Variants in ZFR2 observed in about 807,000 individuals in gnomAD.
ZFR2 encodes the protein zinc finger RNA binding protein 2.
In ZFR2, 104 loss-of-function variants were observed where a neutral mutation model predicts 105.7. The ratio of observed to expected loss-of-function variants is 0.98; its 90% CI spans 0.84 to 1.16. The LOEUF is 1.16. Ranked by LOEUF, ZFR2 falls within the 50% of genes most tolerant of loss-of-function variation. ZFR2 has a pLI of 0.00. For synonymous variants in ZFR2, 634 were observed against 597.7 expected (o/e 1.06, Z -0.89); for missense variants, 1,425 against 1,355.5 (o/e 1.05, Z -0.80).
intron 1 of ZFR2, among the ~76,000 whole-genome samples, chr19:3,839,673 C>G (rs1190602386): frequency 6.8e-6 from 1 of 146,750 alleles, no homozygotes; most frequent in Non-Finnish European, 1.5e-5. Flanking sequence ...ACTTAACAAA[C>G]ACATATCACT....
intron 1 of ZFR2, among the ~76,000 whole-genome samples, chr19:3,847,036 T>C (rs60037558): frequency 0.015 from 2,352 of 152,244 alleles, 45 homozygotes; most frequent in African/African-American, 0.052. Context: ...CCTGCCAGGG[T>C]TGGCAAGTTG....
chr19:3,863,349 C>A (rs148474727), intron 1 of ZFR2, among the ~76,000 whole-genome samples: 1 of 152,158 alleles, frequency 6.6e-6, no homozygotes, highest in African/African-American at 2.4e-5. Flanking sequence ...TTGAGAGATA[C>A]GGGTTGGGTC....
rs1273988689 is a variant in ZFR2, at chr19:3,821,277, A to G, written c.1631+63T>C. The G allele has an allele frequency of 3.4e-6, 5 of 1,469,960 alleles. No homozygotes were observed. In the African/African-American group the frequency reaches 4.2e-5, roughly 12 times the overall value. The allele number at this position is 1,469,960 out of a possible 1,614,324, so 91.1% of individuals were successfully genotyped here. Reference sequence around the variant, plus strand: ...CCGTAATCTGCAGCAGTGGGCGTCTAGGTTCCACGCTGGACCTGCCCTCCC... The same window carrying G: ...CCGTAATCTGCAGCAGTGGGCGTCTGGGTTCCACGCTGGACCTGCCCTCCC... On this transcript the variant is annotated intron_variant, in intron 10 of 18. Transcript: ENST00000262961.
chr19:3,823,155 C>A lies in ZFR2; in HGVS notation c.1371+91G>T, dbSNP rs1200779112. On this transcript the variant is annotated intron_variant, in intron 8 of 18. Transcript: ENST00000262961. This position sits in a 1 kb window ranked among gnomAD's most constrained non-coding sequence, Gnocchi z 5.4. ...GGAACGGGGATGGGTCTGTAAATCT[C>A]GCTGGGAGAAGCCGGGTGAGGTCTC... The A allele has an allele frequency of 6.5e-5, 103 of 1,576,498 alleles. No individual in the cohort carries two copies. Among genetic ancestry groups the A allele is most frequent in the Non-Finnish European group, 8.7e-5 (100 of 1,155,552 alleles).
At chr19:3,810,960 C>A in intron 15 of ZFR2, 115 bp from the exon 16 acceptor site, 1 of 1,203,860 alleles carries the variant, frequency 8.3e-7, no homozygotes, top group South Asian at 1.5e-5. Context: ...CCTGGCGGGC[C>A]TCGAAGGTGG....
rs1219494279 is a variant in ZFR2 at position 3,805,173 on chromosome 19, A to C, written c.*776T>G. 1 of 151,538 alleles carries C rather than the reference A, an allele frequency of 6.6e-6. No homozygotes were observed. Among genetic ancestry groups the C allele is most frequent in the Admixed American group, 6.6e-5 (1 of 15,224 alleles). The allele number at this position is 151,538 out of a possible 1,614,324, so 9.4% of individuals were successfully genotyped here. ...AGGTGTGAGCCACCATGCGCAGCCC[A>C]GAGGAAGTATTTTAAAACCCCTTCC... is the stretch of plus-strand genomic sequence containing the variant. On this transcript the variant is annotated 3_prime_UTR_variant, in exon 19 of 19. Transcript: ENST00000262961.
At chr19:3,837,816 G>A (rs2038093500) in intron 1 of ZFR2, among the ~76,000 whole-genome samples, 1 of 147,568 alleles carries the variant, frequency 6.8e-6, no homozygotes. Flanking sequence ...CCATGACTAT[G>A]GACACTCGAT....
chr19:3,825,381 C>A lies in ZFR2; in HGVS notation c.1062G>T (p.Gly354=). Reference sequence around the variant, plus strand: ...CAGGCTCGAGGGTGGGAATGGGCTTCCCCAGTTTGGCGTGCAGCTTGAAGA... The same window carrying A: ...CAGGCTCGAGGGTGGGAATGGGCTTACCCAGTTTGGCGTGCAGCTTGAAGA... ...QKVFKLHAKL[G]KPIPTLEPAL... is the part of the protein sequence containing the mutation. Residue 354 remains glycine (G), a synonymous_variant, in exon 7 of 19, where the codon GGG becomes GGT. Coordinates refer to ENST00000262961, the MANE Select transcript of ZFR2 (RefSeq NM_015174.2). 1.3e-6 allele frequency: 2 copies of A among 1,587,090 alleles called. No homozygotes were observed. The highest frequency in any genetic ancestry group is 1.7e-6 in the Non-Finnish European group (2 of 1,169,012).
At chr19:3,860,517 G>A (rs1409501598) in intron 1 of ZFR2, among the ~76,000 whole-genome samples, 2 of 152,154 alleles carry the variant, frequency 1.3e-5, no homozygotes, top group African/African-American at 2.4e-5. Flanking sequence ...CGAGCCTCGG[G>A]GGCGAGCCAG....
At chr19:3,807,644 T>A (rs1415704882) in intron 17 of ZFR2, among the ~76,000 whole-genome samples, 1 of 151,776 alleles carries the variant, frequency 6.6e-6, no homozygotes, top group Non-Finnish European at 1.5e-5. Flanking sequence ...TGCCTGTGTG[T>A]GCATGTGTGC....
Position 3,822,296 on chromosome 19 carries a change from C to T in ZFR2, c.1372-96G>A. On this transcript the variant is annotated intron_variant, in intron 8 of 18. Transcript: ENST00000262961. ...GGTCGCGGCGGAGCCTTCCTCCTTG[C>T]TGCTCATTTTATTTATGTATGTCTT... 3.3e-6 allele frequency: 5 copies of T among 1,509,510 alleles called. 1 individual carries two copies. The South Asian group carries it at 4.9e-5, about 15-fold the overall frequency. 93.5% of individuals were successfully genotyped at this position (1,509,510 alleles called of 1,614,324 possible). A position where few individuals can be genotyped will look rare whatever the true frequency, so the allele number is the denominator to read the frequency against.
At chr19:3,845,913 G>A (rs899569716) in intron 1 of ZFR2, among the ~76,000 whole-genome samples, 3 of 152,204 alleles carry the variant, frequency 2.0e-5, no homozygotes, top group Admixed American at 1.3e-4. Context: ...AAAAGGGCGC[G>A]GATTCAGCCC....
At chr19:3,829,344 TAGAA>T (rs1218821227) in intron 5 of ZFR2, among the ~76,000 whole-genome samples, 2 of 151,856 alleles carry the variant, frequency 1.3e-5, no homozygotes, top group Non-Finnish European at 2.9e-5. Context: ...CATACTAACT[TAGAA>T]AGAGAGACTG....
At chr19:3,852,232 T>TC (rs1028409764) in intron 1 of ZFR2, 2 of 549,000 alleles carry the variant, frequency 3.6e-6, no homozygotes, top group African/African-American at 3.8e-5. Context: ...GAGGTGGGGC[T>TC]CAGCTGGATG....
intron 1 of ZFR2, chr19:3,855,408 G>C (rs2038285756): frequency 8.1e-7 from 1 of 1,231,606 alleles, no homozygotes; most frequent in African/African-American, 1.6e-5. Context: ...ATACCTGACA[G>C]AAAGTGAAAG....
chr19:3,828,644 G>A (rs1314263099), intron 5 of ZFR2, among the ~76,000 whole-genome samples: 2 of 152,266 alleles, frequency 1.3e-5, no homozygotes, highest in Admixed American at 6.5e-5. Flanking sequence ...ATCTGATTGC[G>A]TCTGGGGAAG....
intron 16 of ZFR2, among the ~76,000 whole-genome samples, chr19:3,809,585 G>A (rs971735931): frequency 3.9e-5 from 6 of 152,190 alleles, no homozygotes; most frequent in Admixed American, 1.3e-4. Flanking sequence ...GCCGCACACC[G>A]GTCACCCAGC....
At chr19:3,833,079 T>C (rs1483343659) in intron 3 of ZFR2, among the ~76,000 whole-genome samples, 1 of 151,180 alleles carries the variant, frequency 6.6e-6, no homozygotes, top group East Asian at 2.0e-4. Flanking sequence ...AAACCCCGTT[T>C]CTACTAAAAA....
Position 3,813,230 on chromosome 19 carries a change from C to T in ZFR2, c.2242+590G>A, listed in dbSNP as rs1333667002. ...CTAGAGACTGTTCTGGAAGATTCCA[C>T]AGCTGGCTGAGACTTCGGGAGCACA... On this transcript the variant is annotated intron_variant, in intron 14 of 18. Coordinates refer to ENST00000262961, the MANE Select transcript of ZFR2 (RefSeq NM_015174.2). The surrounding 1 kb of genome is among the most constrained non-coding windows in gnomAD (Gnocchi z 4.4). 6.6e-6 allele frequency among the ~76,000 whole-genome samples: 1 copy of T among 152,236 alleles called. No individual in the cohort carries two copies. Among genetic ancestry groups the T allele is most frequent in the Non-Finnish European group, 1.5e-5 (1 of 68,046 alleles).
Sources: gnomAD v4.1 joint callset for allele counts (sites outside exome capture counted in the v4.1 genomes callset) on GRCh38, gnomAD v4.1.1 for gene constraint, Gnocchi (gnomAD v3.1) non-coding constraint, MANE v1.5 for transcripts, NCBI Gene and HGNC (gene_info 2026-07-23, HGNC 2026-07-21) for gene names.